Variants in HSPA12A observed in about 807,000 individuals in gnomAD.
The protein encoded by HSPA12A is heat shock 70 kDa protein 12A.
HSPA12A carries 28 observed loss-of-function variants against 69.2 expected under a neutral mutation model. The observed-to-expected ratio is 0.40, with a 90% CI of 0.30 to 0.55. The LOEUF is 0.55. Ranked by LOEUF, HSPA12A falls within the 20% of genes least tolerant of loss-of-function variation. HSPA12A has a pLI of 0.38. For missense variants in HSPA12A, 686 were observed against 900.7 expected (o/e 0.76, Z 3.05); for synonymous variants, 345 against 370.5 (o/e 0.93, Z 0.79).
chr10:116,763,306 C>A (rs1844011237), intron 2 of HSPA12A, among the ~76,000 whole-genome samples: 1 of 152,136 alleles, frequency 6.6e-6, no homozygotes, highest in Non-Finnish European at 1.5e-5. Context: ...GCCAAATGAT[C>A]TTTTAGCTAA....
At chr10:116,727,748 G>C (rs1554885202) in intron 1 of HSPA12A, among the ~76,000 whole-genome samples, 4 of 111,946 alleles carry the variant, frequency 3.6e-5, no homozygotes, top group Admixed American at 1.3e-4. Context: ...GCTAATGTAA[G>C]TGGGTTTTTT....
At chr10:116,803,066 C>A (rs1395187777) in intron 2 of HSPA12A, among the ~76,000 whole-genome samples, 1 of 152,050 alleles carries the variant, frequency 6.6e-6, no homozygotes, top group African/African-American at 2.4e-5. Flanking sequence ...GAGGATTGTT[C>A]GTTACTGCAG....
At chr10:116,699,112 T>C (rs1554881288) in intron 4 of HSPA12A, among the ~76,000 whole-genome samples, 1 of 150,154 alleles carries the variant, frequency 6.7e-6, no homozygotes, top group Non-Finnish European at 1.5e-5. Flanking sequence ...CGAACACACA[T>C]GGTCACGCTC....
rs1298252009 is a variant in HSPA12A at position 116,681,886 on chromosome 10, C to T, written c.836-9G>A. ...CCGTATGTGTTCCTTAGCTAGTGGC[C>T]GACAGAAAGAAAATGATGACGGGTA... On this transcript the variant is annotated splice_polypyrimidine_tract_variant and intron_variant, in intron 7 of 11. Coordinates refer to ENST00000369209, the MANE Select transcript of HSPA12A (RefSeq NM_025015.3). 5 of 1,613,008 alleles carry T rather than the reference C, an allele frequency of 3.1e-6. No homozygotes were observed. Among genetic ancestry groups the T allele is most frequent in the Non-Finnish European group, 4.2e-6 (5 of 1,179,388 alleles).
In HSPA12A at chr10:116,675,510, A is replaced by T; in HGVS notation, c.1391-92T>A. The T allele has an allele frequency of 7.3e-7, 1 of 1,370,882 alleles. No homozygotes were observed. The highest frequency in any genetic ancestry group is 2.7e-5 in the Admixed American group (1 of 36,382). 84.9% of individuals were successfully genotyped at this position (1,370,882 alleles called of 1,614,324 possible). A position where few individuals can be genotyped will look rare whatever the true frequency, so the allele number is the denominator to read the frequency against. The stretch of plus-strand genomic sequence containing the variant: ...GCCTGCATCTGTGGGGAACGGATAA[A>T]GCCACTTGGGCCACTGGGAGGGCAG... On this transcript the variant is annotated intron_variant, in intron 11 of 11. Transcript: ENST00000369209. This position sits in a 1 kb window ranked among gnomAD's most constrained non-coding sequence, Gnocchi z 5.2.
chr10:116,753,574 C>T (rs1554888529), intron 2 of HSPA12A, among the ~76,000 whole-genome samples: 1 of 152,164 alleles, frequency 6.6e-6, no homozygotes, highest in East Asian at 1.9e-4. Flanking sequence ...AGTGGAATCC[C>T]AACTTTGCTG....
intron 1 of HSPA12A, among the ~76,000 whole-genome samples, chr10:116,712,931 T>C (rs1262916443): frequency 1.4e-5 from 2 of 143,104 alleles, no homozygotes; most frequent in African/African-American, 5.2e-5. Context: ...AATGCCCAAT[T>C]TGAAAAGGAG....
chr10:116,742,798 C>G, upstream of HSPA12A, among the ~76,000 whole-genome samples: 1 of 151,908 alleles, frequency 6.6e-6, no homozygotes, highest in Admixed American at 6.6e-5. Flanking sequence ...CGGGACCGAG[C>G]GGTCGCCCCG....
At chr10:116,807,715 C>T (rs1014791997) in intron 2 of HSPA12A, among the ~76,000 whole-genome samples, 1 of 152,148 alleles carries the variant, frequency 6.6e-6, no homozygotes, top group East Asian at 1.9e-4. Flanking sequence ...GACAATACAC[C>T]GTGAGTCTGG....
chr10:116,818,078 G>A (rs577382495), intron 2 of HSPA12A, among the ~76,000 whole-genome samples: 1 of 152,280 alleles, frequency 6.6e-6, no homozygotes, highest in East Asian at 1.9e-4. Flanking sequence ...TGGCTTCCCT[G>A]CCTCTCACCT....
At chr10:116,701,624 C>T (rs371001150) in intron 3 of HSPA12A, among the ~76,000 whole-genome samples, 9 of 152,108 alleles carry the variant, frequency 5.9e-5, no homozygotes, top group Non-Finnish European at 1.2e-4. Flanking sequence ...ATGCAGGATT[C>T]GGGGGAGAAC....
chr10:116,801,251 A>C (rs1054690868), intron 2 of HSPA12A, among the ~76,000 whole-genome samples: 3 of 152,174 alleles, frequency 2.0e-5, no homozygotes, highest in Non-Finnish European at 2.9e-5. Flanking sequence ...CACTCACATT[A>C]ATTTTCTTCC....
intron 1 of HSPA12A, among the ~76,000 whole-genome samples, chr10:116,847,250 C>A (rs1449256179): frequency 6.6e-6 from 1 of 152,218 alleles, no homozygotes; most frequent in African/African-American, 2.4e-5. Context: ...CCACATCCAA[C>A]CACTCAAAGC....
upstream of HSPA12A, among the ~76,000 whole-genome samples, chr10:116,850,729 GT>G (rs1846055020): frequency 1.3e-5 from 2 of 152,244 alleles, no homozygotes; most frequent in South Asian, 4.1e-4. Context: ...GAGGTGTGGG[GT>G]TTACTGAGCC....
intron 3 of HSPA12A, among the ~76,000 whole-genome samples, chr10:116,704,170 T>C (rs1336877779): frequency 2.0e-5 from 3 of 152,198 alleles, no homozygotes; most frequent in Admixed American, 6.5e-5. Context: ...CGTATGTTTA[T>C]AGCGGCACTA....
intron 2 of HSPA12A, among the ~76,000 whole-genome samples, chr10:116,766,237 G>A (rs1282866866): frequency 6.6e-6 from 1 of 152,154 alleles, no homozygotes; most frequent in Non-Finnish European, 1.5e-5. Context: ...CTGGGTCCTA[G>A]GCTGCTGGTT....
At chr10:116,785,677 G>A (rs923251334) in intron 2 of HSPA12A, among the ~76,000 whole-genome samples, 6 of 151,938 alleles carry the variant, frequency 3.9e-5, no homozygotes, top group Admixed American at 3.3e-4. Flanking sequence ...TCTTCCTCTC[G>A]GACAGACACA....
At chr10:116,701,773 T>A (rs1850083877) in intron 3 of HSPA12A, among the ~76,000 whole-genome samples, 1 of 152,072 alleles carries the variant, frequency 6.6e-6, no homozygotes, top group African/African-American at 2.4e-5. Flanking sequence ...GAAGAGTGAC[T>A]GTGAAAATGG....
rs192369322 is a variant in HSPA12A, at chr10:116,816,820, T to C, written c.91+18115A>G. On this transcript the variant is annotated intron_variant, in intron 2 of 12. Transcript: ENST00000635765. ...TACTATGGTTTAAAAGATGACTTTT[T>C]ATGCTCTGGGTTACAAAACGCTTCC... 4.3e-4 allele frequency among the ~76,000 whole-genome samples: 66 copies of C among 152,356 alleles called. 1 individual carries two copies. In the East Asian group the frequency reaches 0.012, roughly 28 times the overall value.
Sources: gnomAD v4.1 joint callset for allele counts (sites outside exome capture counted in the v4.1 genomes callset) on GRCh38, gnomAD v4.1.1 for gene constraint, Gnocchi (gnomAD v3.1) non-coding constraint, MANE v1.5 for transcripts, NCBI Gene and HGNC (gene_info 2026-07-23, HGNC 2026-07-21) for gene names.